LAMC1: variants seen among roughly 807,000 people sequenced by gnomAD.
The protein encoded by LAMC1 is laminin subunit gamma 1.
LAMC1 carries 38 observed loss-of-function variants against 173.6 expected under a neutral mutation model. That is an observed-to-expected ratio of 0.22 (90% CI 0.17 to 0.29). The LOEUF is 0.29. Ranked by LOEUF, LAMC1 falls within the 10% of genes least tolerant of loss-of-function variation. The pLI, the probability that LAMC1 is intolerant of heterozygous loss-of-function variation, is 1.00. For synonymous variants in LAMC1, 746 were observed against 749.1 expected (o/e 1.00, Z 0.07); for missense variants, 1,824 against 2,051.8 (o/e 0.89, Z 2.14).
chr1:183,145,107 G>C lies in LAMC1; in HGVS notation c.*2317G>C, dbSNP rs1257151050. On this transcript the variant is annotated 3_prime_UTR_variant, in exon 28 of 28. Transcript: ENST00000258341. ...GGACTGAAGATTGACTGCCAAGCTA[G>C]TTTGGGTGAAGTTCACTCCAGCAAG... 2.0e-5 allele frequency: 3 copies of C among 152,210 alleles called. No homozygotes were observed. Among genetic ancestry groups the C allele is most frequent in the African/African-American group, 7.2e-5 (3 of 41,456 alleles). The allele number at this position is 152,210 out of a possible 1,614,324, so 9.4% of individuals were successfully genotyped here. A position where few individuals can be genotyped will look rare whatever the true frequency, so the allele number is the denominator to read the frequency against.
intron 1 of LAMC1, among the ~76,000 whole-genome samples, chr1:183,099,242 C>T (rs969269918): frequency 2.0e-5 from 3 of 152,138 alleles, no homozygotes; most frequent in Non-Finnish European, 4.4e-5. Context: ...GCGCGTACCA[C>T]CACGCCTGGC....
chr1:183,040,281 C>A (rs1455691028), intron 1 of LAMC1, among the ~76,000 whole-genome samples: 1 of 152,124 alleles, frequency 6.6e-6, no homozygotes, highest in Non-Finnish European at 1.5e-5. Context: ...CCTCAGGTCC[C>A]TTTTATGGTG....
chr1:183,136,288 C>T, intron 24 of LAMC1, 98 bp from the exon 25 acceptor site: 1 of 1,025,786 alleles, frequency 9.7e-7, no homozygotes, highest in South Asian at 1.4e-5. Flanking sequence ...ACCCTGACTT[C>T]CATTGTTCAT....
chr1:183,079,256 T>G (rs796266080), intron 1 of LAMC1, among the ~76,000 whole-genome samples: 352 of 93,360 alleles, frequency 3.8e-3, no homozygotes, highest in African/African-American at 0.011. Flanking sequence ...TTTTTTTTTT[T>G]TTTTTTTTTT....
intron 1 of LAMC1, among the ~76,000 whole-genome samples, chr1:183,025,286 C>T (rs1653657313): frequency 6.6e-6 from 1 of 152,090 alleles, no homozygotes; most frequent in Non-Finnish European, 1.5e-5. Flanking sequence ...CTCTCCGGTA[C>T]ACTAAACTTT....
intron 1 of LAMC1, among the ~76,000 whole-genome samples, chr1:183,097,047 C>A (rs986877608): frequency 6.6e-6 from 1 of 152,088 alleles, no homozygotes; most frequent in African/African-American, 2.4e-5. Flanking sequence ...ATTAAGTTGG[C>A]CTTGGGTCGT....
In LAMC1 at chr1:183,117,338, C is replaced by T. The variant is rs753226644; in HGVS notation, c.1583C>T (p.Ala528Val). ...TFQIDEDGWRAEQRDGSEASL... is the reference protein window; with the variant it reads ...TFQIDEDGWRVEQRDGSEASL... Reference sequence around the variant, plus strand: ...CCTGCAGATGAGGATGGGTGGCGTGCGGAACAGAGAGATGGCTCTGAAGCA... The same window carrying T: ...CCTGCAGATGAGGATGGGTGGCGTGTGGAACAGAGAGATGGCTCTGAAGCA... The change falls in exon 9 of 28, where the codon GCG (alanine) becomes GTG (valine). Residue 528 changes from alanine to valine, a missense_variant. Coordinates refer to ENST00000258341, the MANE Select transcript of LAMC1 (RefSeq NM_002293.4). The T allele has an allele frequency of 6.8e-6, 11 of 1,608,782 alleles. No individual in the cohort carries two copies. Among genetic ancestry groups the T allele is most frequent in the East Asian group, 2.2e-5 (1 of 44,724 alleles).
intron 18 of LAMC1, among the ~76,000 whole-genome samples, chr1:183,129,676 T>C (rs1220166267): frequency 1.3e-5 from 2 of 152,160 alleles, no homozygotes; most frequent in Admixed American, 6.5e-5. Flanking sequence ...TAAAACCTCA[T>C]GATACATGAG....
chr1:183,074,701 GA>G (rs1183565899), intron 1 of LAMC1, among the ~76,000 whole-genome samples: 2 of 152,110 alleles, frequency 1.3e-5, no homozygotes, highest in African/African-American at 4.8e-5. Flanking sequence ...TTATGAGTTA[GA>G]AAAAGTTATC....
intron 1 of LAMC1, among the ~76,000 whole-genome samples, chr1:183,049,473 T>G (rs78396087): frequency 2.0e-5 from 3 of 152,008 alleles, no homozygotes; most frequent in East Asian, 1.9e-4. Flanking sequence ...GTTTTTTTTT[T>G]TTGTTTTTGA....
chr1:183,085,578 C>T (rs1558043216), intron 1 of LAMC1, among the ~76,000 whole-genome samples: 1 of 151,872 alleles, frequency 6.6e-6, no homozygotes, highest in Admixed American at 6.6e-5. Flanking sequence ...CATTGTTGCC[C>T]AGGCTTGTCT....
chr1:183,116,980 A>T, intron 8 of LAMC1, 77 bp downstream of exon 8: 1 of 1,413,164 alleles, frequency 7.1e-7, no homozygotes, highest in Non-Finnish European at 9.8e-7. Flanking sequence ...AAAATCAGTG[A>T]CTCTTTGAGG....
intron 15 of LAMC1, 76 bp from the exon 16 acceptor site, chr1:183,126,044 C>A: frequency 1.5e-6 from 2 of 1,355,834 alleles, no homozygotes; most frequent in Non-Finnish European, 2.0e-6. Context: ...TACATCAGTG[C>A]TATACTAAAA....
At chr1:183,134,950 T>A in intron 23 of LAMC1, 92 bp from the exon 24 acceptor site, 1 of 1,347,916 alleles carries the variant, frequency 7.4e-7, no homozygotes, top group Non-Finnish European at 1.1e-6. Flanking sequence ...CTGGCAAGTC[T>A]CAGGGTGGCA....
chr1:183,096,673 T>C (rs950440913), intron 1 of LAMC1: 3 of 152,238 alleles, frequency 2.0e-5, no homozygotes, highest in Non-Finnish European at 2.9e-5. Context: ...TACTATTTTA[T>C]ACAAAACTGT....
At chr1:183,117,028 A>G in intron 8 of LAMC1, 125 bp downstream of exon 8, 1 of 1,007,338 alleles carries the variant, frequency 9.9e-7, no homozygotes, top group South Asian at 1.7e-5. Context: ...ATTATTTAGC[A>G]TGCATAGTTT....
intron 1 of LAMC1, among the ~76,000 whole-genome samples, chr1:183,097,030 A>G (rs1655711257): frequency 6.6e-6 from 1 of 152,076 alleles, no homozygotes. Context: ...AGGATCCCAC[A>G]GTCAGTATTA....
intron 1 of LAMC1, among the ~76,000 whole-genome samples, chr1:183,038,179 G>A (rs1230898169): frequency 6.6e-6 from 1 of 151,924 alleles, no homozygotes; most frequent in Non-Finnish European, 1.5e-5. Flanking sequence ...GGGACTACAC[G>A]CGTGGGCCAC....
At chr1:183,100,407 G>A (rs776615273) in intron 1 of LAMC1, among the ~76,000 whole-genome samples, 44 of 152,274 alleles carry the variant, frequency 2.9e-4, no homozygotes, top group Admixed American at 1.6e-3. Flanking sequence ...ACCGTAGCCT[G>A]GTGTGCTCTG....
Sources: gnomAD v4.1 joint callset for allele counts (sites outside exome capture counted in the v4.1 genomes callset) on GRCh38, gnomAD v4.1.1 for gene constraint, MANE v1.5 for transcripts, NCBI Gene and HGNC (gene_info 2026-07-23, HGNC 2026-07-21) for gene names.